The following SERINC5 variants were observed in gnomAD, a reference collection of about 807,000 sequenced individuals.
SERINC5 encodes the protein serine incorporator 5, also known as chromosome 5 open reading frame 12.
A neutral mutation model predicts 63.1 loss-of-function variants in SERINC5; 41 were observed. The ratio of observed to expected loss-of-function variants is 0.65; its 90% CI spans 0.51 to 0.84. The LOEUF (loss-of-function observed/expected upper bound fraction) is 0.84. Among genes scored for constraint, SERINC5 ranks in the 40% least tolerant of loss-of-function variants. SERINC5 has a pLI of 0.00. For missense variants in SERINC5, 523 were observed against 573.0 expected, an observed-to-expected ratio of 0.91 and a Z score of 0.89; for synonymous variants, 222 against 215.2, an observed-to-expected ratio of 1.03 and a Z score of -0.28.
At chr5:80,113,666 A>G (rs991454426) in intron 11 of SERINC5, 21 of 244,688 alleles carry the variant, frequency 8.6e-5, no homozygotes, top group Non-Finnish European at 1.5e-4. Context: ...GAGAAGCAAA[A>G]GCAGAAAACC....
chr5:80,207,696 T>C (rs924216459), intron 1 of SERINC5, among the ~76,000 whole-genome samples: 2 of 152,252 alleles, frequency 1.3e-5, no homozygotes, highest in Non-Finnish European at 2.9e-5. Flanking sequence ...TATGTGTCTA[T>C]ATGTATGTGT....
chr5:80,124,035 C>T (rs1744647940), intron 11 of SERINC5, among the ~76,000 whole-genome samples: 1 of 152,112 alleles, frequency 6.6e-6, no homozygotes, highest in South Asian at 2.1e-4. Flanking sequence ...ACTGAATATG[C>T]GGATGGCCAG....
intron 1 of SERINC5, among the ~76,000 whole-genome samples, chr5:80,233,687 A>G (rs16877641): frequency 0.33 from 50,061 of 151,672 alleles, 8,560 homozygotes; most frequent in African/African-American, 0.43. Context: ...TATCCCCAAA[A>G]GCAAATTCCT....
chr5:80,169,326 C>A lies in SERINC5; in HGVS notation c.763+9G>T, dbSNP rs374044385. On this transcript the variant is annotated intron_variant, in intron 6 of 11. Coordinates refer to ENST00000507668, the MANE Select transcript of SERINC5 (RefSeq NM_001174072.3). ...ATAAGTAACGAAGAATGGAAAAAAA[C>A]ATGCTTACGATTTTGGACCCAGGGT... is the stretch of plus-strand genomic sequence containing the variant. 2.5e-6 allele frequency: 4 copies of A among 1,610,374 alleles called. No homozygotes were observed. Among genetic ancestry groups the A allele is most frequent in the Non-Finnish European group, 3.4e-6 (4 of 1,177,264 alleles).
In SERINC5 at chr5:80,139,473, T is replaced by C. The variant is rs1745370516; in HGVS notation, c.*4190A>G. 5 of 972,138 alleles carry C rather than the reference T, an allele frequency of 5.1e-6. No individual in the cohort carries two copies. Among genetic ancestry groups the C allele is most frequent in the Non-Finnish European group, 6.1e-6 (5 of 817,556 alleles). The allele number at this position is 972,138 out of a possible 1,614,324, so 60.2% of individuals were successfully genotyped here. A position where few individuals can be genotyped will look rare whatever the true frequency, so the allele number is the denominator to read the frequency against. On this transcript the variant is annotated 3_prime_UTR_variant, in exon 12 of 12. Coordinates refer to ENST00000507668, the MANE Select transcript of SERINC5 (RefSeq NM_001174072.3). ...GGACATATGCATTCTTAATCTGCCCTTCCCCATTTGTTTCTTTCTGAAAGG... is the reference window on the plus strand; with the variant it reads ...GGACATATGCATTCTTAATCTGCCCCTCCCCATTTGTTTCTTTCTGAAAGG...
At chr5:80,251,313 TAC>T (rs2112617089) in intron 1 of SERINC5, among the ~76,000 whole-genome samples, 1 of 146,014 alleles carries the variant, frequency 6.8e-6, no homozygotes, top group Admixed American at 6.7e-5. Context: ...CATACATACA[TAC>T]ATACATACAT....
At chr5:80,157,333 CA>C (rs1746604965) in intron 8 of SERINC5, 1 of 151,684 alleles carries the variant, frequency 6.6e-6, no homozygotes, top group African/African-American at 2.4e-5. Flanking sequence ...CAGTAACCCA[CA>C]AAAACATGAT....
intron 11 of SERINC5, chr5:80,129,050 C>T (rs1409857162): frequency 1.3e-5 from 2 of 152,186 alleles, no homozygotes; most frequent in African/African-American, 4.8e-5. Context: ...GATTGTCCAG[C>T]TTAGATGGAA....
intron 11 of SERINC5, chr5:80,129,230 T>C (rs189367844): frequency 1.1e-4 from 17 of 152,334 alleles, no homozygotes; most frequent in African/African-American, 4.1e-4. Context: ...TTCCTTTGGG[T>C]CCATGTGCAC....
chr5:80,136,957 G>A (rs995479350), downstream of SERINC5, among the ~76,000 whole-genome samples: 1 of 151,590 alleles, frequency 6.6e-6, no homozygotes, highest in African/African-American at 2.4e-5. Context: ...CCAACATGGC[G>A]AAACCATCTC....
intron 11 of SERINC5, chr5:80,114,749 C>T (rs1371230259): frequency 6.6e-6 from 1 of 151,864 alleles, no homozygotes; most frequent in Non-Finnish European, 1.5e-5. Context: ...CAATCACTCC[C>T]ACCAGGTCCC....
At position 80,168,331 on chromosome 5, in the gene SERINC5, G is replaced by A. The variant is rs532370991; in HGVS notation, c.763+1004C>T. Among the ~76,000 whole-genome samples, 151 of 152,088 alleles carry A rather than the reference G, an allele frequency of 9.9e-4. 1 individual carries two copies. The highest frequency in any genetic ancestry group is 3.6e-3 in the African/African-American group (148 of 41,480). ...TGCCTCTCAGCCTCCCGGGTAGCTG[G>A]GAATACAGGCGTGTCCCACCATGGC... On this transcript the variant is annotated intron_variant, in intron 6 of 11. Coordinates refer to ENST00000507668, the MANE Select transcript of SERINC5 (RefSeq NM_001174072.3).
At chr5:80,133,688 G>A (rs1055938177) in intron 11 of SERINC5, among the ~76,000 whole-genome samples, 1 of 152,226 alleles carries the variant, frequency 6.6e-6, no homozygotes, top group Non-Finnish European at 1.5e-5. Flanking sequence ...CTTGCCCACT[G>A]CCTAGGCAGA....
chr5:80,207,436 A>G (rs1024792841), intron 1 of SERINC5, among the ~76,000 whole-genome samples: 3 of 152,238 alleles, frequency 2.0e-5, no homozygotes, highest in Non-Finnish European at 2.9e-5. Context: ...ACTTACTATT[A>G]TCTCCACAGA....
At chr5:80,174,369 A>AATAATAATAAT (rs1554064067) in intron 5 of SERINC5, among the ~76,000 whole-genome samples, 3 of 131,708 alleles carry the variant, frequency 2.3e-5, no homozygotes, top group East Asian at 2.3e-4. Flanking sequence ...CCCATCTCAA[A>AATAATAATAAT]AATAATAATA....
At chr5:80,118,714 A>ATTTTT (rs34814066) in intron 11 of SERINC5, among the ~76,000 whole-genome samples, 123 of 108,192 alleles carry the variant, frequency 1.1e-3, no homozygotes, top group African/African-American at 2.3e-3. Context: ...TGTCCAGCTA[A>ATTTTT]TTTTTTTTTT....
At chr5:80,143,998 A>C in intron 11 of SERINC5, 188 bp from the exon 12 acceptor site, 1 of 669,436 alleles carries the variant, frequency 1.5e-6, no homozygotes, top group Non-Finnish European at 2.5e-6. Flanking sequence ...TGCACCCCTT[A>C]GGTGCTCTCC....
intron 1 of SERINC5, 125 bp downstream of exon 1, chr5:80,255,771 C>T: frequency 3.0e-6 from 3 of 987,530 alleles, no homozygotes; most frequent in Non-Finnish European, 3.0e-6. Context: ...CCAGCCCGAG[C>T]GACCCACCCG....
At chr5:80,198,310 C>T (rs971295048) in intron 2 of SERINC5, among the ~76,000 whole-genome samples, 1 of 152,168 alleles carries the variant, frequency 6.6e-6, no homozygotes, top group Non-Finnish European at 1.5e-5. Context: ...CACAGTCAAG[C>T]TTTCTCTGAG....
Sources: gnomAD v4.1 joint callset for allele counts (sites outside exome capture counted in the v4.1 genomes callset) on GRCh38, gnomAD v4.1.1 for gene constraint, MANE v1.5 for transcripts, NCBI Gene and HGNC (gene_info 2026-07-23, HGNC 2026-07-21) for gene names.